The following GOLGB1 variants were observed in gnomAD, a reference collection of about 807,000 sequenced individuals.
The protein encoded by GOLGB1 is golgin B1, also known as golgin subfamily B member 1.
In GOLGB1, 174 loss-of-function variants were observed where a neutral mutation model predicts 336.9. The ratio of observed to expected loss-of-function variants is 0.52; its 90% CI spans 0.46 to 0.59. The LOEUF is 0.59. GOLGB1 is among the 20% of genes least tolerant of loss of function. The pLI, the probability that GOLGB1 is intolerant of heterozygous loss-of-function variation, is 0.00. For synonymous variants in GOLGB1, 1,208 were observed against 1,289.2 expected (o/e 0.94, Z 1.35); for missense variants, 3,331 against 3,645.3 (o/e 0.91, Z 2.22).
chr3:121,713,202 G>C (rs1221524736), intron 10 of GOLGB1, among the ~76,000 whole-genome samples: 3 of 152,036 alleles, frequency 2.0e-5, no homozygotes, highest in Non-Finnish European at 4.4e-5. Context: ...AAAAGACCTG[G>C]CAGTTCCTTA....
chr3:121,737,484 C>G (rs1002320590), intron 1 of GOLGB1, among the ~76,000 whole-genome samples: 3 of 151,948 alleles, frequency 2.0e-5, no homozygotes, highest in Admixed American at 2.0e-4. Context: ...AATCCCGTCT[C>G]TACTAAAAAT....
intron 10 of GOLGB1, among the ~76,000 whole-genome samples, chr3:121,708,389 C>A (rs1032819011): frequency 6.6e-6 from 1 of 151,782 alleles, no homozygotes; most frequent in African/African-American, 2.4e-5. Context: ...CCCAGCACTT[C>A]GGGAGACAAA....
intron 1 of GOLGB1, among the ~76,000 whole-genome samples, chr3:121,743,659 T>A (rs1248437281): frequency 6.6e-6 from 1 of 152,118 alleles, no homozygotes; most frequent in Non-Finnish European, 1.5e-5. Context: ...GAATACAAAT[T>A]ATAAATACAC....
At chr3:121,667,835 T>C (rs924041984) in intron 19 of GOLGB1, among the ~76,000 whole-genome samples, 1 of 152,206 alleles carries the variant, frequency 6.6e-6, no homozygotes, top group African/African-American at 2.4e-5. Context: ...CATAGAGTAG[T>C]TGTTAGTGGT....
intron 13 of GOLGB1, 26 bp downstream of exon 13, chr3:121,693,715 G>A: frequency 6.5e-7 from 1 of 1,527,006 alleles, no homozygotes; most frequent in Non-Finnish European, 8.9e-7. Context: ...TACCTCTGGA[G>A]GAGGAAAAAT....
intron 2 of GOLGB1, 22 bp downstream of exon 2, chr3:121,730,854 A>C (rs1310524319): frequency 1.3e-6 from 2 of 1,595,770 alleles, no homozygotes; most frequent in African/African-American, 2.7e-5. Flanking sequence ...TTACCAGTTT[A>C]AATCAGAACA....
At chr3:121,705,695 A>C (rs1225337680) in intron 10 of GOLGB1, among the ~76,000 whole-genome samples, 1 of 152,248 alleles carries the variant, frequency 6.6e-6, no homozygotes, top group African/African-American at 2.4e-5. Context: ...AAAGGGACTG[A>C]ACAAGTGTTC....
At chr3:121,738,981 G>C (rs1223666286) in intron 1 of GOLGB1, among the ~76,000 whole-genome samples, 2 of 152,134 alleles carry the variant, frequency 1.3e-5, no homozygotes, top group African/African-American at 4.8e-5. Flanking sequence ...GAACTACTGA[G>C]GCCAGGCGTG....
At chr3:121,711,677 C>T (rs1944367310) in intron 10 of GOLGB1, among the ~76,000 whole-genome samples, 1 of 152,048 alleles carries the variant, frequency 6.6e-6, no homozygotes, top group African/African-American at 2.4e-5. Context: ...CAGTTGTATA[C>T]TTACATATTA....
chr3:121,747,658 T>C (rs1164782996), intron 1 of GOLGB1, among the ~76,000 whole-genome samples: 4 of 152,112 alleles, frequency 2.6e-5, no homozygotes, highest in East Asian at 1.9e-4. Flanking sequence ...ATTCCACTTG[T>C]GGGAAAGACA....
At position 121,690,876 on chromosome 3, in the gene GOLGB1, C is replaced by G; in HGVS notation, c.8488G>C (p.Glu2830Gln). Residue 2830 changes from glutamate to glutamine, a missense_variant, in exon 14 of 22, where the codon GAA becomes CAA. Coordinates refer to ENST00000614479, the MANE Select transcript of GOLGB1 (RefSeq NM_001366282.2). ...EQLLHLSSQLEDSYNQVQSFS... is the reference protein window; with the variant it reads ...EQLLHLSSQLQDSYNQVQSFS... ...GACTGCACTTGGTTATAAGAATCTTCTAGTTGTGAGGACAAGTGAAGCAAT... is the reference window on the plus strand; with the variant it reads ...GACTGCACTTGGTTATAAGAATCTTGTAGTTGTGAGGACAAGTGAAGCAAT... 3 of 1,614,110 alleles carry G rather than the reference C, an allele frequency of 1.9e-6. No homozygotes were observed. The highest frequency in any genetic ancestry group is 2.5e-6 in the Non-Finnish European group (3 of 1,179,966).
At chr3:121,706,137 CAA>C (rs112415956) in intron 10 of GOLGB1, among the ~76,000 whole-genome samples, 3 of 102,060 alleles carry the variant, frequency 2.9e-5, no homozygotes, top group Non-Finnish European at 4.1e-5. Context: ...GACTCCATTT[CAA>C]AAAAAAAAAA....
chr3:121,742,065 C>T (rs1946895906), intron 1 of GOLGB1, among the ~76,000 whole-genome samples: 1 of 152,084 alleles, frequency 6.6e-6, no homozygotes, highest in Non-Finnish European at 1.5e-5. Context: ...AGATTCAATG[C>T]CATCCCCATC....
chr3:121,689,632 C>A lies in GOLGB1; in HGVS notation c.8694+1038G>T, dbSNP rs546910256. Among the ~76,000 whole-genome samples, 1,127 of 146,994 alleles carry A rather than the reference C, an allele frequency of 7.7e-3. 12 individuals carry two copies. Among genetic ancestry groups the A allele is most frequent in the African/African-American group, 0.027 (1,061 of 39,960 alleles). On this transcript the variant is annotated intron_variant, in intron 14 of 21. Coordinates refer to ENST00000614479, the MANE Select transcript of GOLGB1 (RefSeq NM_001366282.2). ...GCCAAATCCCCCTCTGTGAGAAACA[C>A]CCAAGAATGATCAATTAAAAAAAAA...
At chr3:121,683,002 G>T (rs1393258214) in intron 14 of GOLGB1, among the ~76,000 whole-genome samples, 1 of 150,734 alleles carries the variant, frequency 6.6e-6, no homozygotes, top group Non-Finnish European at 1.5e-5. Context: ...GGAGGTGATA[G>T]CTGAGATAAG....
Position 121,693,816 on chromosome 3 carries a change from T to C in GOLGB1, c.6707A>G (p.Asp2236Gly), listed in dbSNP as rs1272409075. 2.5e-6 allele frequency: 4 copies of C among 1,608,062 alleles called. No individual in the cohort carries two copies. Among genetic ancestry groups the C allele is most frequent in the Admixed American group, 1.7e-5 (1 of 60,008 alleles). The change falls in exon 13 of 22, where the codon GAT (aspartate) becomes GGT (glycine). Residue 2236 changes from aspartate to glycine, a missense_variant. By Grantham distance (94) the Asp-to-Gly change is moderately conservative. Transcript: ENST00000614479. ...TTGATCCTTTAGAACACTGCAATTA[T>C]CTTCTTTGAGTCTAATTTCTTCTTC... is the stretch of plus-strand genomic sequence containing the variant. The part of the protein sequence containing the change: ...SKEEEIRLKE[D>G]NCSVLKDQLR...
chr3:121,743,380 C>T (rs1022319555), intron 1 of GOLGB1, among the ~76,000 whole-genome samples: 14 of 152,152 alleles, frequency 9.2e-5, no homozygotes, highest in African/African-American at 2.7e-4. Flanking sequence ...AATCAAACAC[C>T]GCATGTTCTC....
chr3:121,742,690 A>C (rs1266733207), intron 1 of GOLGB1, among the ~76,000 whole-genome samples: 2 of 152,208 alleles, frequency 1.3e-5, no homozygotes, highest in East Asian at 1.9e-4. Flanking sequence ...CAACCTACAG[A>C]ATGGGATAAA....
At chr3:121,746,277 G>A (rs567932284) in intron 1 of GOLGB1, among the ~76,000 whole-genome samples, 15 of 152,150 alleles carry the variant, frequency 9.9e-5, no homozygotes, top group African/African-American at 3.1e-4. Context: ...TAACACATTC[G>A]ATATTATGAC....
Sources: allele counts gnomAD v4.1 joint callset (sites outside exome capture counted in the v4.1 genomes callset), GRCh38; gene constraint gnomAD v4.1.1; transcripts MANE v1.5; gene names NCBI Gene and HGNC (gene_info 2026-07-23, HGNC 2026-07-21).